GSN: variants seen among roughly 807,000 people sequenced by gnomAD.
The protein encoded by GSN is actin-depolymerizing factor.
In GSN, 56 loss-of-function variants were observed where a neutral mutation model predicts 85.7. The observed-to-expected ratio is 0.65, with a 90% CI of 0.53 to 0.82. The LOEUF is 0.82. Among genes scored for constraint, GSN ranks in the 40% least tolerant of loss-of-function variants. GSN has a pLI of 0.00. For missense variants in GSN, 857 were observed against 979.8 expected, an observed-to-expected ratio of 0.87 and a Z score of 1.67; for synonymous variants, 373 against 399.1, an observed-to-expected ratio of 0.93 and a Z score of 0.78.
intron 1 of GSN, among the ~76,000 whole-genome samples, chr9:121,268,731 T>C (rs2055440783): frequency 6.6e-6 from 1 of 152,164 alleles, no homozygotes; most frequent in South Asian, 2.1e-4. Context: ...CTGTCTGAAA[T>C]CTTCAGGCGC....
chr9:121,278,983 G>C (rs1266310061), intron 1 of GSN, among the ~76,000 whole-genome samples: 1 of 152,246 alleles, frequency 6.6e-6, no homozygotes, highest in African/African-American at 2.4e-5. Flanking sequence ...GCACGCATGG[G>C]AGTCATAGTT....
chr9:121,293,409 ATTT>A (rs34433704), intron 2 of GSN, among the ~76,000 whole-genome samples: 3 of 148,458 alleles, frequency 2.0e-5, no homozygotes, highest in African/African-American at 5.0e-5. Flanking sequence ...TTGTCTTTCC[ATTT>A]TTTTTTTTTT....
At chr9:121,222,969 T>C (rs1373624402) in intron 4 of GSN, 1 of 152,166 alleles carries the variant, frequency 6.6e-6, no homozygotes, top group African/African-American at 2.4e-5. Flanking sequence ...TTGGGTGCGT[T>C]GTCTGCATGC....
At chr9:121,276,786 C>T (rs2056730222) in intron 1 of GSN, among the ~76,000 whole-genome samples, 2 of 151,172 alleles carry the variant, frequency 1.3e-5, no homozygotes, top group Admixed American at 6.6e-5. Context: ...TGGTCGGGTC[C>T]TGTAGTGGGG....
intron 3 of GSN, among the ~76,000 whole-genome samples, chr9:121,302,516 G>A (rs1267721747): frequency 6.6e-6 from 1 of 152,094 alleles, no homozygotes; most frequent in African/African-American, 2.4e-5. Flanking sequence ...CAACTTCCCT[G>A]GCCCAGCTCC....
intron 4 of GSN, among the ~76,000 whole-genome samples, chr9:121,230,968 T>C (rs1185762855): frequency 1.3e-5 from 2 of 152,202 alleles, no homozygotes; most frequent in African/African-American, 4.8e-5. Flanking sequence ...CACTGCAAAC[T>C]TCACAGCATC....
chr9:121,204,367 G>A (rs1459591435), upstream of GSN, among the ~76,000 whole-genome samples: 3 of 152,176 alleles, frequency 2.0e-5, no homozygotes, highest in East Asian at 5.8e-4. Context: ...TTTCACAATA[G>A]CCAGCTTAAA....
Position 121,332,702 on chromosome 9 carries a change from G to A in GSN, c.*99G>A. 1 of 734,500 alleles carries A rather than the reference G, an allele frequency of 1.4e-6. No individual in the cohort carries two copies. The highest frequency in any genetic ancestry group is 2.2e-6 in the Non-Finnish European group (1 of 452,700). The allele number at this position is 734,500 out of a possible 1,614,324, so 45.5% of individuals were successfully genotyped here. ...CGAGCAGAGCAGCTCTGCTATGAGT[G>A]TGTGTGTGTGTGTGTGTTGTTTCTT... On this transcript the variant is annotated 3_prime_UTR_variant, in exon 18 of 18. Coordinates refer to ENST00000432226, the MANE Select transcript of GSN (RefSeq NM_198252.3). The surrounding 1 kb of genome is among the most constrained non-coding windows in gnomAD (Gnocchi z 4.8).
chr9:121,300,848 G>C (rs1282990653), intron 2 of GSN, among the ~76,000 whole-genome samples: 2 of 152,274 alleles, frequency 1.3e-5, no homozygotes, highest in East Asian at 3.9e-4. Context: ...CCTTCTTGGG[G>C]GTATGATGGG....
intron 1 of GSN, among the ~76,000 whole-genome samples, chr9:121,271,399 G>A (rs1037131442): frequency 1.3e-5 from 2 of 152,078 alleles, no homozygotes; most frequent in African/African-American, 2.4e-5. Flanking sequence ...AATATACCAA[G>A]CACTGGAACA....
chr9:121,329,145 C>T lies in GSN; in HGVS notation c.1888-93C>T. 2 of 1,475,012 alleles carry T rather than the reference C, an allele frequency of 1.4e-6. No homozygotes were observed. Among genetic ancestry groups the T allele is most frequent in the South Asian group, 1.1e-5 (1 of 87,554 alleles). 91.4% of individuals were successfully genotyped at this position (1,475,012 alleles called of 1,614,324 possible). ...AGAGGAAGGGGCCCCCTGCCAGCTG[C>T]AGCCAGCTGTGCCACTCCCTCAGGG... On this transcript the variant is annotated intron_variant, in intron 15 of 17. Coordinates refer to ENST00000432226, the MANE Select transcript of GSN (RefSeq NM_198252.3). This position sits in a 1 kb window ranked among gnomAD's most constrained non-coding sequence, Gnocchi z 4.6.
At chr9:121,253,236 AG>A (rs1442884310) in intron 6 of GSN, among the ~76,000 whole-genome samples, 1 of 152,238 alleles carries the variant, frequency 6.6e-6, no homozygotes, top group Non-Finnish European at 1.5e-5. Flanking sequence ...GGTGGTCACA[AG>A]CTTCCAGTCC....
At chr9:121,272,042 G>GA in intron 1 of GSN, among the ~76,000 whole-genome samples, 1 of 152,244 alleles carries the variant, frequency 6.6e-6, no homozygotes, top group East Asian at 1.9e-4. Context: ...GGGAGGAAGG[G>GA]AAAAAAAGAG....
rs1564552641 is a variant in GSN at position 121,318,861 on chromosome 9, A to G, written c.1172A>G (p.Asp391Gly). 1 of 1,613,928 alleles carries G rather than the reference A, an allele frequency of 6.2e-7. No individual in the cohort carries two copies. Among genetic ancestry groups the G allele is most frequent in the Non-Finnish European group, 8.5e-7 (1 of 1,179,966 alleles). The change falls in exon 10 of 18, where the codon GAT becomes GGT. Residue 391 changes from aspartate (D) to glycine (G), a missense_variant. Asp to Gly is a moderately conservative substitution (Grantham distance 94). Coordinates refer to ENST00000432226, the MANE Select transcript of GSN (RefSeq NM_198252.3). This position sits in a 1 kb window ranked among gnomAD's most constrained non-coding sequence, Gnocchi z 4.3. ...AMAAQHGMDD[D>G]GTGQKQIWRI... ...GCCGCCCAGCACGGCATGGATGACG[A>G]TGGCACAGGCCAGAAACAGGTACGT...
intron 5 of GSN, among the ~76,000 whole-genome samples, chr9:121,241,109 A>G (rs2054595758): frequency 6.6e-6 from 1 of 152,254 alleles, no homozygotes; most frequent in African/African-American, 2.4e-5. Flanking sequence ...GAAAGAAAGC[A>G]TAAAAGAACC....
chr9:121,263,888 CAA>C (rs34342246), upstream of GSN, among the ~76,000 whole-genome samples: 7 of 70,538 alleles, frequency 9.9e-5, no homozygotes, highest in Non-Finnish European at 8.0e-5. Flanking sequence ...AACTCCATCT[CAA>C]AAAAAAAAAA....
chr9:121,247,583 G>A (rs563769797), intron 5 of GSN, among the ~76,000 whole-genome samples: 55 of 152,298 alleles, frequency 3.6e-4, no homozygotes, highest in African/African-American at 1.3e-3. Flanking sequence ...AGAAGCTTGA[G>A]AGAGAAGTGA....
rs978970926 is a variant in GSN, at chr9:121,286,192, A to G, written c.-10+4630A>G. ...GGGCAATTCTGACCCATGGGTGAGTAGCACGGGATCTGGGGTGGTCCCCGA... is the reference window on the plus strand; with the variant it reads ...GGGCAATTCTGACCCATGGGTGAGTGGCACGGGATCTGGGGTGGTCCCCGA... On this transcript the variant is annotated intron_variant, in intron 2 of 17. Transcript: ENST00000432226. 2.8e-5 allele frequency: 43 copies of G among 1,521,130 alleles called. No individual in the cohort carries two copies. In the African/African-American group the frequency reaches 4.8e-4, roughly 17 times the overall value. The allele number at this position is 1,521,130 out of a possible 1,614,324, so 94.2% of individuals were successfully genotyped here.
At chr9:121,269,098 A>T (rs2132329180) in intron 1 of GSN, among the ~76,000 whole-genome samples, 1 of 152,230 alleles carries the variant, frequency 6.6e-6, no homozygotes, top group East Asian at 1.9e-4. Flanking sequence ...GCTTTAAAAC[A>T]CCCAGAACTC....
Sources: allele counts gnomAD v4.1 joint callset (sites outside exome capture counted in the v4.1 genomes callset), GRCh38; gene constraint gnomAD v4.1.1; non-coding constraint Gnocchi (gnomAD v3.1); transcripts MANE v1.5; gene names NCBI Gene and HGNC (gene_info 2026-07-23, HGNC 2026-07-21).